The following RYR1 variants were observed in gnomAD, a reference collection of about 807,000 sequenced individuals.
The protein encoded by RYR1 is central core disease of muscle.
RYR1 carries 342 observed loss-of-function variants against 583.5 expected under a neutral mutation model. That is an observed-to-expected ratio of 0.59 (90% CI 0.54 to 0.64). The LOEUF (loss-of-function observed/expected upper bound fraction) is 0.64, where lower values mean the gene tolerates loss of function less well. Among genes scored for constraint, RYR1 ranks in the 30% least tolerant of loss-of-function variants. The pLI is 0.00. For synonymous variants in RYR1, 2,791 were observed against 2,822.5 expected, an observed-to-expected ratio of 0.99 and a Z score of 0.35; for missense variants, 6,032 against 6,917.2, an observed-to-expected ratio of 0.87 and a Z score of 4.54.
intron 28 of RYR1, 142 bp from the exon 29 acceptor site, chr19:38,475,176 G>C: frequency 9.0e-7 from 1 of 1,107,446 alleles, no homozygotes; most frequent in Admixed American, 2.1e-5. Flanking sequence ...GTCTGGGGTA[G>C]GTGGGAATCC....
At chr19:38,573,353 G>A (rs1455306475) in intron 96 of RYR1, 46 bp downstream of exon 96, 1 of 1,604,534 alleles carries the variant, frequency 6.2e-7, no homozygotes, top group South Asian at 1.1e-5. Flanking sequence ...GAGGGGACCT[G>A]GGTTTCCACC....
At chr19:38,587,149 A>C (rs1397932999) in intron 105 of RYR1, among the ~76,000 whole-genome samples, 176 bp from the exon 106 acceptor site, 2 of 151,668 alleles carry the variant, frequency 1.3e-5, no homozygotes, top group Non-Finnish European at 2.9e-5. Flanking sequence ...AGTCCCAGCT[A>C]CTCTGGAGAC....
chr19:38,528,742 C>T, intron 75 of RYR1, 47 bp downstream of exon 75: 1 of 1,596,240 alleles, frequency 6.3e-7, no homozygotes, highest in Non-Finnish European at 8.6e-7. Flanking sequence ...CTGGATAGGG[C>T]TGGGGCGGAG....
intron 31 of RYR1, among the ~76,000 whole-genome samples, chr19:38,481,315 C>T (rs543413196): frequency 4.6e-5 from 7 of 152,094 alleles, no homozygotes; most frequent in Admixed American, 2.0e-4. Flanking sequence ...TTTGTAGAGA[C>T]GGTGTTTTGC....
At chr19:38,441,947 G>C (rs926776829) in intron 2 of RYR1, among the ~76,000 whole-genome samples, 1 of 151,908 alleles carries the variant, frequency 6.6e-6, no homozygotes, top group Non-Finnish European at 1.5e-5. Flanking sequence ...TGGGGTTGGA[G>C]GGATGTGGGG....
intron 89 of RYR1, 151 bp from the exon 90 acceptor site, chr19:38,560,962 A>T: frequency 1.5e-6 from 1 of 686,072 alleles, no homozygotes. Flanking sequence ...TGGGGACGAG[A>T]GGGGATGTCT....
intron 99 of RYR1, among the ~76,000 whole-genome samples, chr19:38,579,443 A>AG (rs1349202083): frequency 6.8e-6 from 1 of 147,906 alleles, no homozygotes; most frequent in Non-Finnish European, 1.5e-5. Context: ...AAAAAAAAAA[A>AG]TTAGCTGGGT....
At position 38,467,715 on chromosome 19, in the gene RYR1, C is replaced by T. The variant is rs1968183636; in HGVS notation, c.3284C>T (p.Thr1095Ile). ...GRWYFEFEAV[T>I]TGEMRVGWAR... is the part of the protein sequence containing the mutation. ...TGGTACTTCGAGTTTGAAGCAGTCA[C>T]CACAGGCGAGATGCGCGTGGGCTGG... The change falls in exon 25 of 106, where the codon ACC (threonine) becomes ATC (isoleucine). Residue 1095 changes from threonine to isoleucine, a missense_variant. Thr to Ile is a moderately conservative substitution (Grantham distance 89). Coordinates refer to ENST00000359596, the MANE Select transcript of RYR1 (RefSeq NM_000540.3). The T allele has an allele frequency of 1.9e-6, 3 of 1,614,098 alleles. No homozygotes were observed. The highest frequency in any genetic ancestry group is 8.5e-7 in the Non-Finnish European group (1 of 1,180,034).
At chr19:38,485,213 C>T (rs1286718103) in intron 33 of RYR1, among the ~76,000 whole-genome samples, 1 of 152,110 alleles carries the variant, frequency 6.6e-6, no homozygotes, top group Admixed American at 6.6e-5. Flanking sequence ...CAGACTCTTA[C>T]GAAGTCCCAG....
rs1383501685 is a variant in RYR1, at chr19:38,561,916, A to G, written c.12624+462A>G. Among the ~76,000 whole-genome samples the G allele has an allele frequency of 6.6e-6, 1 of 152,004 alleles. No homozygotes were observed. The highest frequency in any genetic ancestry group is 1.5e-5 in the Non-Finnish European group (1 of 67,988). ...GGCCCGCTCATGCTCACTCTTGTAC[A>G]CGCTCGCCTTGGGGGCTCTGGGGTG... On this transcript the variant is annotated intron_variant, in intron 90 of 105. Transcript: ENST00000359596. The surrounding 1 kb of genome is among the most constrained non-coding windows in gnomAD (Gnocchi z 4.8).
At chr19:38,548,545 A>G (rs1972531587) in intron 89 of RYR1, 125 bp downstream of exon 89, 2 of 888,006 alleles carry the variant, frequency 2.3e-6, no homozygotes, top group African/African-American at 1.7e-5. Flanking sequence ...TGTTTGTAAA[A>G]TGAGGATAAA....
chr19:38,485,238 C>A, intron 33 of RYR1, among the ~76,000 whole-genome samples: 1 of 152,190 alleles, frequency 6.6e-6, no homozygotes, highest in Non-Finnish European at 1.5e-5. Flanking sequence ...TCCCAGGGAC[C>A]CCAGAGGTAT....
chr19:38,527,836 G>A (rs776277508), intron 73 of RYR1, 52 bp downstream of exon 73: 4 of 1,605,050 alleles, frequency 2.5e-6, no homozygotes, highest in East Asian at 2.2e-5. Context: ...GGAGCCTGGC[G>A]GGGGGAGGGG....
At chr19:38,495,209 C>A (rs1199456299) in intron 39 of RYR1, among the ~76,000 whole-genome samples, 1 of 152,112 alleles carries the variant, frequency 6.6e-6, no homozygotes, top group Non-Finnish European at 1.5e-5. Context: ...GAGAGCCAAG[C>A]CTACTCTGAA....
At chr19:38,434,936 C>T (rs1367129618) in intron 1 of RYR1, among the ~76,000 whole-genome samples, 1 of 152,174 alleles carries the variant, frequency 6.6e-6, no homozygotes, top group Admixed American at 6.5e-5. Context: ...GAGAGAGGAA[C>T]AAACAGCTGG....
At chr19:38,505,989 G>A (rs774467622) in intron 54 of RYR1, 43 bp downstream of exon 54, 4 of 1,594,460 alleles carry the variant, frequency 2.5e-6, no homozygotes, top group East Asian at 2.2e-5. Context: ...ACGATGGGGG[G>A]AGGGTCTAGA....
rs765912554 is a variant in RYR1, at chr19:38,455,538, C to T, written c.1664C>T (p.Ala555Val). 2 of 1,614,038 alleles carry T rather than the reference C, an allele frequency of 1.2e-6. No homozygotes were observed. The highest frequency in any genetic ancestry group is 2.2e-5 in the South Asian group (2 of 91,074). ...WLVSKLDRLE[A>V]SSGILEVLYC... ...GTCAGCAAGCTGGATCGGCTGGAGGCCTCGTCTGGTAGGAGAACCCGGGGG... is the reference window on the plus strand; with the variant it reads ...GTCAGCAAGCTGGATCGGCTGGAGGTCTCGTCTGGTAGGAGAACCCGGGGG... The change falls in exon 15 of 106, where the codon GCC (alanine) becomes GTC (valine). Residue 555 changes from alanine (A) to valine (V), a missense_variant. Transcript: ENST00000359596.
rs1971921785 is a variant in RYR1 at position 38,535,388 on chromosome 19, T to C, written c.11512T>C (p.Cys3838Arg). The part of the protein sequence containing the change: ...FQSIQALMQT[C>R]SVLDLNAFER... ...GAGTATCCAGGCACTGATGCAAACA[T>C]GCAGGTAGGTTCGAGTGGACCTCTT... The change falls in exon 81 of 106, where the codon TGC (cysteine) becomes CGC (arginine). Residue 3838 changes from cysteine (C) to arginine (R), a missense_variant. Coordinates refer to ENST00000359596, the MANE Select transcript of RYR1 (RefSeq NM_000540.3). 5.0e-6 allele frequency: 8 copies of C among 1,613,274 alleles called. No homozygotes were observed. The highest frequency in any genetic ancestry group is 1.1e-5 in the South Asian group (1 of 91,066).
intron 2 of RYR1, 115 bp downstream of exon 2, chr19:38,440,979 G>A (rs1306059359): frequency 4.2e-6 from 5 of 1,184,226 alleles, no homozygotes; most frequent in Non-Finnish European, 4.7e-6. Context: ...AGGAGAGAAA[G>A]TGAGGAGGGG....
Sources: gnomAD v4.1 joint callset for allele counts (sites outside exome capture counted in the v4.1 genomes callset) on GRCh38, gnomAD v4.1.1 for gene constraint, Gnocchi (gnomAD v3.1) non-coding constraint, MANE v1.5 for transcripts, NCBI Gene and HGNC (gene_info 2026-07-23, HGNC 2026-07-21) for gene names.